SUCLG1: variants seen among roughly 807,000 people sequenced by gnomAD.
SUCLG1 encodes succinate--CoA ligase [ADP/GDP-forming] subunit alpha, mitochondrial.
Under a neutral mutation model 37.3 loss-of-function variants are expected in SUCLG1, and 26 were observed. That is an observed-to-expected ratio of 0.70 (90% CI 0.51 to 0.97). The LOEUF (loss-of-function observed/expected upper bound fraction) is 0.97, where lower values mean the gene tolerates loss of function less well. Among genes scored for constraint, SUCLG1 ranks in the 50% least tolerant of loss-of-function variants. The pLI is 0.00. For synonymous variants in SUCLG1, 163 were observed against 155.6 expected (o/e 1.05, Z -0.36); for missense variants, 433 against 432.9 (o/e 1.00, Z 0.00).
At chr2:84,424,590 G>A (rs1672504508) in intron 8 of SUCLG1, among the ~76,000 whole-genome samples, 1 of 152,138 alleles carries the variant, frequency 6.6e-6, no homozygotes, top group South Asian at 2.1e-4. Flanking sequence ...TCAGGATTTT[G>A]AAATTCTCTC....
At chr2:84,425,265 C>T in intron 8 of SUCLG1, 150 bp downstream of exon 8, 1 of 848,610 alleles carries the variant, frequency 1.2e-6, no homozygotes, top group East Asian at 2.6e-5. Flanking sequence ...GGCACTAGGA[C>T]ATCAATAGAG....
chr2:84,457,822 C>T (rs1054924662), intron 1 of SUCLG1, among the ~76,000 whole-genome samples: 4 of 152,044 alleles, frequency 2.6e-5, no homozygotes, highest in African/African-American at 7.2e-5. Context: ...ATAATGAATT[C>T]TTTTTGTCCT....
chr2:84,457,273 G>A (rs1673037314), intron 1 of SUCLG1, among the ~76,000 whole-genome samples: 2 of 152,186 alleles, frequency 1.3e-5, no homozygotes, highest in South Asian at 4.1e-4. Flanking sequence ...AGAGGAGTTA[G>A]AGTTTTGTGA....
intron 7 of SUCLG1, among the ~76,000 whole-genome samples, chr2:84,428,749 A>G (rs1319944253): frequency 6.6e-6 from 1 of 152,232 alleles, no homozygotes; most frequent in East Asian, 1.9e-4. Flanking sequence ...AAATGATGAA[A>G]GGTATGTCTA....
At chr2:84,429,088 AT>A (rs1397922681) in intron 7 of SUCLG1, among the ~76,000 whole-genome samples, 1 of 152,246 alleles carries the variant, frequency 6.6e-6, no homozygotes, top group African/African-American at 2.4e-5. Flanking sequence ...GCAGCAGATC[AT>A]GTTTATCGAG....
chr2:84,459,180 G>C lies in SUCLG1; in HGVS notation c.90C>G (p.Ser30Arg). Reference protein sequence around the residue: ...GLAAARLLSRSFLLPQNGIRH... With the variant: ...GLAAARLLSRRFLLPQNGIRH... ...AGTACTGGCTGGACTCACGGAGGAA[G>C]CTGCGCGACAGGAGACGGGCGGCGG... The change falls in exon 1 of 9, where the codon AGC becomes AGG. Residue 30 changes from serine (S) to arginine (R), a missense_variant. Ser to Arg is a moderately radical substitution (Grantham distance 110, BLOSUM62 -1). Transcript: ENST00000393868. 6.5e-7 allele frequency: 1 copy of C among 1,549,752 alleles called. No individual in the cohort carries two copies. The highest frequency in any genetic ancestry group is 8.7e-7 in the Non-Finnish European group (1 of 1,146,480).
chr2:84,455,887 A>T (rs905296839), intron 1 of SUCLG1, among the ~76,000 whole-genome samples: 1 of 151,948 alleles, frequency 6.6e-6, no homozygotes, highest in African/African-American at 2.4e-5. Context: ...CAGTCCCCTG[A>T]TGAAATGAAA....
At chr2:84,454,170 T>C (rs1340309879) in intron 1 of SUCLG1, among the ~76,000 whole-genome samples, 1 of 152,252 alleles carries the variant, frequency 6.6e-6, no homozygotes, top group Non-Finnish European at 1.5e-5. Flanking sequence ...ATAGTTCATA[T>C]TTTAAAATCA....
chr2:84,435,183 G>A (rs1672669382), intron 5 of SUCLG1, among the ~76,000 whole-genome samples: 1 of 152,028 alleles, frequency 6.6e-6, no homozygotes, highest in Non-Finnish European at 1.5e-5. Context: ...TATTTGTTCT[G>A]CTTAAGATGG....
chr2:84,457,543 A>G (rs1047615143), intron 1 of SUCLG1, among the ~76,000 whole-genome samples: 4 of 152,126 alleles, frequency 2.6e-5, no homozygotes, highest in African/African-American at 9.7e-5. Context: ...TAGATCTTTT[A>G]GACACTCTTC....
intron 5 of SUCLG1, 143 bp downstream of exon 5, chr2:84,440,904 G>A (rs1469809408): frequency 2.6e-6 from 2 of 763,400 alleles, no homozygotes; most frequent in African/African-American, 1.8e-5. Flanking sequence ...ATACAGAATT[G>A]ATAGACTACA....
chr2:84,446,051 G>A (rs1034212787), intron 2 of SUCLG1, among the ~76,000 whole-genome samples: 1 of 152,164 alleles, frequency 6.6e-6, no homozygotes, highest in South Asian at 2.1e-4. Context: ...CCCTCTGCAT[G>A]GAATATCCTT....
In SUCLG1 at chr2:84,425,593, GA is replaced by G. The variant is rs1672524253; in HGVS notation, c.835del (p.Ser279ProfsTer4). On this transcript the variant is annotated frameshift_variant, in exon 8 of 9. Coordinates refer to ENST00000393868, the MANE Select transcript of SUCLG1 (RefSeq NM_003849.4). LOFTEE classifies it high-confidence loss of function. ...FLKQHNSGPNSKPVVSFIAGL... is the reference protein window; with the variant it reads ...FLKQHNSGPNXKPVVSFIAGL... ...AGCAATGAAGGACACTACAGGCTTG[GA>G]ATTTGGACCCTAGAAAGAAAGTAAT... The G allele has an allele frequency of 6.2e-7, 1 of 1,614,086 alleles. No homozygotes were observed. The highest frequency in any genetic ancestry group is 1.3e-5 in the African/African-American group (1 of 74,924).
At chr2:84,457,112 G>C (rs1338861129) in intron 1 of SUCLG1, among the ~76,000 whole-genome samples, 4 of 152,096 alleles carry the variant, frequency 2.6e-5, no homozygotes, top group Non-Finnish European at 5.9e-5. Flanking sequence ...ACTTAACAGA[G>C]GGAACAAAAT....
Position 84,459,040 on chromosome 2 carries a change from G to A in SUCLG1, c.97+133C>T, listed in dbSNP as rs1432278698. The A allele has an allele frequency of 5.5e-6, 5 of 901,868 alleles. No homozygotes were observed. In the African/African-American group the frequency reaches 6.9e-5, roughly 12 times the overall value. The allele number at this position is 901,868 out of a possible 1,614,324, so 55.9% of individuals were successfully genotyped here. A position where few individuals can be genotyped will look rare whatever the true frequency, so the allele number is the denominator to read the frequency against. ...CCGTAGGGGTCCCCGACTCGAAGCC[G>A]GAATCCCAAGCGGCTCCCAGGCCCC... is the stretch of plus-strand genomic sequence containing the variant. On this transcript the variant is annotated intron_variant, in intron 1 of 8. Transcript: ENST00000393868.
chr2:84,454,172 T>C (rs1672984412), intron 1 of SUCLG1, among the ~76,000 whole-genome samples: 1 of 152,226 alleles, frequency 6.6e-6, no homozygotes, highest in South Asian at 2.1e-4. Context: ...AGTTCATATT[T>C]TAAAATCAAA....
chr2:84,451,795 T>C (rs1041925540), intron 1 of SUCLG1, among the ~76,000 whole-genome samples: 1 of 151,022 alleles, frequency 6.6e-6, no homozygotes, highest in Non-Finnish European at 1.5e-5. Flanking sequence ...TGTAGATGTG[T>C]GTGCGCTCAT....
chr2:84,447,916 G>C (rs1323025850), intron 2 of SUCLG1, among the ~76,000 whole-genome samples: 1 of 151,884 alleles, frequency 6.6e-6, no homozygotes, highest in African/African-American at 2.4e-5. Flanking sequence ...TTTTTTTGTA[G>C]AGATGGAATC....
intron 7 of SUCLG1, chr2:84,425,859 C>T (rs1211174053): frequency 1.9e-6 from 1 of 516,404 alleles, no homozygotes; most frequent in Non-Finnish European, 3.5e-6. Context: ...TTCCACTTCA[C>T]AAATACACAT....
Sources: gnomAD v4.1 joint callset for allele counts (sites outside exome capture counted in the v4.1 genomes callset) on GRCh38, gnomAD v4.1.1 for gene constraint, MANE v1.5 for transcripts, NCBI Gene and HGNC (gene_info 2026-07-23, HGNC 2026-07-21) for gene names.